The following RBMS3 variants were observed in gnomAD, a reference collection of about 807,000 sequenced individuals.
The protein encoded by RBMS3 is RNA-binding motif, single-stranded-interacting protein 3.
RBMS3 carries 27 observed loss-of-function variants against 66.8 expected under a neutral mutation model. That is an observed-to-expected ratio of 0.40 (90% CI 0.30 to 0.56). The LOEUF (loss-of-function observed/expected upper bound fraction) is 0.56. RBMS3 is among the 20% of genes least tolerant of loss of function. The pLI is 0.40. For missense variants in RBMS3, 513 were observed against 549.5 expected (o/e 0.93, Z 0.66); for synonymous variants, 188 against 183.0 (o/e 1.03, Z -0.22).
intron 4 of RBMS3, among the ~76,000 whole-genome samples, chr3:29,631,250 C>T (rs969199936): frequency 6.6e-6 from 1 of 151,724 alleles, no homozygotes; most frequent in Non-Finnish European, 1.5e-5. Context: ...TACTTTTTTA[C>T]AGCTTTCTAT....
At chr3:29,974,608 C>T (rs916165668) in intron 12 of RBMS3, among the ~76,000 whole-genome samples, 1 of 151,370 alleles carries the variant, frequency 6.6e-6, no homozygotes, top group Admixed American at 6.6e-5. Flanking sequence ...TTATAATCCC[C>T]ACAAAAGTAT....
intron 4 of RBMS3, among the ~76,000 whole-genome samples, chr3:29,590,806 C>T (rs1296069771): frequency 6.6e-6 from 1 of 152,118 alleles, no homozygotes. Flanking sequence ...CATAGATAGA[C>T]AGCAGAGGCC....
chr3:29,432,499 CT>C (rs2041246067), intron 1 of RBMS3, among the ~76,000 whole-genome samples: 1 of 152,168 alleles, frequency 6.6e-6, no homozygotes, highest in Non-Finnish European at 1.5e-5. Flanking sequence ...ACTGCTAAAA[CT>C]TGGCCTTCTT....
chr3:29,434,647 G>A, intron 1 of RBMS3, 96 bp from the exon 2 acceptor site: 2 of 1,493,382 alleles, frequency 1.3e-6, no homozygotes, highest in Admixed American at 2.1e-5. Context: ...GTGTATTGGA[G>A]AAGACGCATA....
At chr3:29,298,874 T>C (rs977288690) in intron 1 of RBMS3, among the ~76,000 whole-genome samples, 5 of 151,950 alleles carry the variant, frequency 3.3e-5, no homozygotes, top group Non-Finnish European at 5.9e-5. Flanking sequence ...AATAAAATGC[T>C]GTATCAATCA....
Position 29,726,995 on chromosome 3 carries a change from A to G in RBMS3, c.400-12725A>G, listed in dbSNP as rs2053911883. ...ACAAGGCTACAGTAACCAAAACAACATGGTACTGGTACCAAAACAGATATA... is the reference window on the plus strand; with the variant it reads ...ACAAGGCTACAGTAACCAAAACAACGTGGTACTGGTACCAAAACAGATATA... On this transcript the variant is annotated intron_variant, in intron 4 of 14. Coordinates refer to ENST00000383767, the MANE Select transcript of RBMS3 (RefSeq NM_001003793.3). 3.3e-5 allele frequency among the ~76,000 whole-genome samples: 5 copies of G among 152,326 alleles called. No homozygotes were observed. The South Asian group carries it at 1.0e-3, about 32-fold the overall frequency.
At chr3:29,764,253 T>G (rs1220925101) in intron 6 of RBMS3, among the ~76,000 whole-genome samples, 2 of 152,026 alleles carry the variant, frequency 1.3e-5, no homozygotes, top group South Asian at 2.1e-4. Context: ...TTTGGTTAGC[T>G]TCCATGTGTA....
chr3:29,453,479 G>C (rs1043317765), intron 2 of RBMS3, among the ~76,000 whole-genome samples: 1 of 152,134 alleles, frequency 6.6e-6, no homozygotes. Flanking sequence ...CAGCGAATCC[G>C]AGCAGTGTGC....
chr3:29,462,741 T>C (rs1278563320), intron 2 of RBMS3, among the ~76,000 whole-genome samples: 1 of 152,248 alleles, frequency 6.6e-6, no homozygotes, highest in African/African-American at 2.4e-5. Context: ...TTGTTGAGAA[T>C]GATAACTCTA....
intron 4 of RBMS3, among the ~76,000 whole-genome samples, chr3:29,653,759 C>T (rs1262253476): frequency 6.6e-6 from 1 of 152,048 alleles, no homozygotes; most frequent in Non-Finnish European, 1.5e-5. Flanking sequence ...TAGCAAATAC[C>T]GTAATATATG....
At chr3:29,823,381 C>T (rs1352880326) in intron 6 of RBMS3, among the ~76,000 whole-genome samples, 2 of 152,182 alleles carry the variant, frequency 1.3e-5, no homozygotes, top group African/African-American at 2.4e-5. Flanking sequence ...GTGAGATTCA[C>T]CCATACTAAT....
At chr3:29,732,473 T>A (rs1342591117) in intron 4 of RBMS3, among the ~76,000 whole-genome samples, 1 of 152,166 alleles carries the variant, frequency 6.6e-6, no homozygotes, top group East Asian at 1.9e-4. Context: ...GTTTGACCAA[T>A]CTGGGCACAC....
intron 2 of RBMS3, among the ~76,000 whole-genome samples, chr3:29,482,741 T>C (rs1164418937): frequency 2.3e-5 from 3 of 128,156 alleles, no homozygotes; most frequent in Non-Finnish European, 4.7e-5. Context: ...GGAGTGTCGC[T>C]CTGTCACCCA....
chr3:29,404,899 T>C (rs2039950469), intron 1 of RBMS3, among the ~76,000 whole-genome samples: 1 of 152,096 alleles, frequency 6.6e-6, no homozygotes, highest in African/African-American at 2.4e-5. Context: ...ACAAATAATA[T>C]AGTCTTGCAT....
intron 10 of RBMS3, among the ~76,000 whole-genome samples, chr3:29,928,201 TATATATATATACAC>T (rs2060996596): frequency 9.2e-6 from 1 of 109,046 alleles, no homozygotes; most frequent in African/African-American, 3.3e-5. Flanking sequence ...TATATATATA[TATATATATATACAC>T]ACACACACAC....
At chr3:29,829,700 CT>C (rs1467723102) in intron 6 of RBMS3, among the ~76,000 whole-genome samples, 1 of 152,128 alleles carries the variant, frequency 6.6e-6, no homozygotes. Flanking sequence ...AACCTTGAGT[CT>C]GACAAAGATT....
At position 29,873,429 on chromosome 3, in the gene RBMS3, C is replaced by T. The variant is rs566840414; in HGVS notation, c.744+4465C>T. Among the ~76,000 whole-genome samples, 4 of 152,216 alleles carry T rather than the reference C, an allele frequency of 2.6e-5. No homozygotes were observed. The South Asian group carries it at 6.2e-4, about 24-fold the overall frequency. ...TATAGGAATGCTAGTGATTTTTGTA[C>T]GTTGATTTTGTATCCTGAAACTCTG... On this transcript the variant is annotated intron_variant, in intron 7 of 14. Transcript: ENST00000383767.
chr3:29,650,247 T>C (rs979651603), intron 4 of RBMS3, among the ~76,000 whole-genome samples: 6 of 151,804 alleles, frequency 4.0e-5, no homozygotes, highest in Non-Finnish European at 7.4e-5. Context: ...GGCAATCTTT[T>C]AAACCCAAAT....
intron 6 of RBMS3, among the ~76,000 whole-genome samples, chr3:29,787,653 A>G (rs1367779280): frequency 6.6e-6 from 1 of 152,196 alleles, no homozygotes; most frequent in African/African-American, 2.4e-5. Context: ...GCAAAGGCAT[A>G]AGAATTATAC....
Sources: allele counts gnomAD v4.1 joint callset (sites outside exome capture counted in the v4.1 genomes callset), GRCh38; gene constraint gnomAD v4.1.1; transcripts MANE v1.5; gene names NCBI Gene and HGNC (gene_info 2026-07-23, HGNC 2026-07-21).